The following CCN1 variants were observed in gnomAD, a reference collection of about 807,000 sequenced individuals.
CCN1 encodes the protein cellular communication network factor 1, also known as CCN family member 1.
CCN1 carries 12 observed loss-of-function variants against 38.1 expected under a neutral mutation model. The ratio of observed to expected loss-of-function variants is 0.31; its 90% confidence interval spans 0.20 to 0.51. The LOEUF (loss-of-function observed/expected upper bound fraction) is 0.51, where lower values mean the gene tolerates loss of function less well. Ranked by LOEUF, CCN1 falls within the 20% of genes least tolerant of loss-of-function variation. The pLI is 0.97. For synonymous variants in CCN1, 202 were observed against 196.1 expected (o/e 1.03, Z -0.25); for missense variants, 466 against 490.9 (o/e 0.95, Z 0.48).
At chr1:85,582,348 G>C in intron 3 of CCN1, 64 bp downstream of exon 3, 1 of 1,613,462 alleles carries the variant, frequency 6.2e-7, no homozygotes, top group South Asian at 1.1e-5. Flanking sequence ...AATCTTTGTA[G>C]AAATGAGTGC....
Position 85,583,425 on chromosome 1 carries a change from A to C in CCN1, c.*383A>C. ...ATAATAAGATTAGTTGGACAGTTTA[A>C]AGCTTTTATTCGTCCTTTGACAAAA... On this transcript the variant is annotated 3_prime_UTR_variant, in exon 5 of 5. Transcript: ENST00000451137. The C allele has an allele frequency of 5.0e-6, 1 of 201,734 alleles. No individual in the cohort carries two copies. Among genetic ancestry groups the C allele is most frequent in the Non-Finnish European group, 1.0e-5 (1 of 98,218 alleles). 12.5% of individuals were successfully genotyped at this position (201,734 alleles called of 1,614,324 possible).
Position 85,583,050 on chromosome 1 carries a change from C to G in CCN1, c.*8C>G. On this transcript the variant is annotated 3_prime_UTR_variant, in exon 5 of 5. Transcript: ENST00000451137. ...CACAAATTTAGGGACTAAATGCTACCTGGGTTTCCAGGGCACACCTAGACA... is the reference window on the plus strand; with the variant it reads ...CACAAATTTAGGGACTAAATGCTACGTGGGTTTCCAGGGCACACCTAGACA... The G allele has an allele frequency of 6.2e-7, 1 of 1,604,684 alleles. No homozygotes were observed. The highest frequency in any genetic ancestry group is 8.5e-7 in the Non-Finnish European group (1 of 1,172,512).
rs772364120 is a variant in CCN1 at position 85,582,917 on chromosome 1, G to A, written c.1021G>A (p.Glu341Lys). The stretch of plus-strand genomic sequence containing the variant: ...GATGCGGTTCCGCTGCGAAGATGGG[G>A]AGACATTTTCCAAGAACGTCATGAT... ...VKMRFRCEDG[E>K]TFSKNVMMIQ... The change falls in exon 5 of 5, where the codon GAG becomes AAG. Residue 341 changes from glutamate to lysine, a missense_variant. By Grantham distance (56) the Glu-to-Lys change is moderately conservative. Around this residue, in one of 3 missense-constraint regions of CCN1, gnomAD observed 309 missense variants for 319.9 expected, o/e 0.97. Transcript: ENST00000451137. The A allele has an allele frequency of 1.5e-5, 25 of 1,614,092 alleles. No individual in the cohort carries two copies. The South Asian group carries it at 2.6e-4, about 17-fold the overall frequency.
At position 85,583,898 on chromosome 1, in the gene CCN1, A is replaced by G. The variant is rs1659841350; in HGVS notation, c.*856A>G. ...TTGCATATAAAGTAATGTTTAAAAA[A>G]CATGTATTGAACACGACATTGTATG... On this transcript the variant is annotated 3_prime_UTR_variant, in exon 5 of 5. Transcript: ENST00000451137. The G allele has an allele frequency of 6.6e-6, 1 of 152,226 alleles. No individual in the cohort carries two copies. Among genetic ancestry groups the G allele is most frequent in the African/African-American group, 2.4e-5 (1 of 41,460 alleles). 9.4% of individuals were successfully genotyped at this position (152,226 alleles called of 1,614,324 possible).
Position 85,583,355 on chromosome 1 carries a change from T to TTC in CCN1, c.*317_*318dup, listed in dbSNP as rs762383191. On this transcript the variant is annotated 3_prime_UTR_variant, in exon 5 of 5. Coordinates refer to ENST00000451137, the MANE Select transcript of CCN1 (RefSeq NM_001554.5). Reference sequence around the variant, plus strand: ...TTGTAAATTATTTGCTAAGCATATTTTCTCTAGGCTTTTTTCCTTTTGGGG... The same window carrying TTC: ...TTGTAAATTATTTGCTAAGCATATTTTCTCTCTAGGCTTTTTTCCTTTTGGGG... 1 of 340,082 alleles carries TTC rather than the reference T, an allele frequency of 2.9e-6. No individual in the cohort carries two copies. Among genetic ancestry groups the TTC allele is most frequent in the Non-Finnish European group, 5.4e-6 (1 of 186,584 alleles). The allele number at this position is 340,082 out of a possible 1,614,324, so 21.1% of individuals were successfully genotyped here. A position where few individuals can be genotyped will look rare whatever the true frequency, so the allele number is the denominator to read the frequency against.
In CCN1 at chr1:85,582,184, C is replaced by T. The variant is rs1184329286; in HGVS notation, c.534C>T (p.Leu178=). The T allele has an allele frequency of 2.5e-6, 4 of 1,614,090 alleles. No individual in the cohort carries two copies. Among genetic ancestry groups the T allele is most frequent in the Non-Finnish European group, 2.5e-6 (3 of 1,180,030 alleles). Residue 178 remains leucine (L), a synonymous_variant, in exon 3 of 5, where the codon CTC becomes CTT. Transcript: ENST00000451137. Reference sequence around the variant, plus strand: ...ACCCCATGGAGGACCAGGACGGCCTCCTTGGCAAGGAGCTGGGATTCGATG... The same window carrying T: ...ACCCCATGGAGGACCAGGACGGCCTTCTTGGCAAGGAGCTGGGATTCGATG... ...IKDPMEDQDG[L]LGKELGFDAS...
At chr1:85,581,081 C>A in intron 1 of CCN1, 34 bp downstream of exon 1, 1 of 1,586,534 alleles carries the variant, frequency 6.3e-7, no homozygotes, top group Non-Finnish European at 8.6e-7. Flanking sequence ...ACCTATTCCC[C>A]GTCCGCTCTC....
chr1:85,582,364 C>T, intron 3 of CCN1, 52 bp from the exon 4 acceptor site: 2 of 1,612,948 alleles, frequency 1.2e-6, no homozygotes, highest in East Asian at 2.2e-5. Flanking sequence ...AGTGCTTGAG[C>T]CTGTTTGTGT....
At chr1:85,581,750 C>T in intron 2 of CCN1, 172 bp downstream of exon 2, 1 of 1,100,484 alleles carries the variant, frequency 9.1e-7, no homozygotes, top group Non-Finnish European at 1.3e-6. Flanking sequence ...CCAACGAAAG[C>T]GCATACGGAA....
rs369974800 is a variant in CCN1, at chr1:85,582,644, T to G, written c.843+20T>G. 135 of 1,613,866 alleles carry G rather than the reference T, an allele frequency of 8.4e-5. No homozygotes were observed. Among genetic ancestry groups the G allele is most frequent in the Non-Finnish European group, 1.1e-4 (130 of 1,179,858 alleles). On this transcript the variant is annotated intron_variant, in intron 4 of 4. Coordinates refer to ENST00000451137, the MANE Select transcript of CCN1 (RefSeq NM_001554.5). ...CTGAAAGTAAGTTCCTTCAGGGACGTGTAGACTGTTGCCTGGCAGGTGGGT... is the reference window on the plus strand; with the variant it reads ...CTGAAAGTAAGTTCCTTCAGGGACGGGTAGACTGTTGCCTGGCAGGTGGGT...
rs774059615 is a variant in CCN1 at position 85,582,434 on chromosome 1, G to A, written c.653G>A (p.Arg218His). 4 of 1,613,904 alleles carry A rather than the reference G, an allele frequency of 2.5e-6. No homozygotes were observed. The highest frequency in any genetic ancestry group is 2.7e-5 in the African/African-American group (2 of 74,874). Residue 218 changes from arginine (R) to histidine (H), a missense_variant, in exon 4 of 5, where the codon CGC becomes CAC. Arg to His is a conservative substitution (Grantham distance 29). Transcript: ENST00000451137. ...TCTCTAGTTTTTGGAATGGAGCCTC[G>A]CATCCTATACAACCCTTTACAAGGC... ...KRLPVFGMEP[R>H]ILYNPLQGQK...
In CCN1 at chr1:85,583,313, G is replaced by A. The variant is rs373303028; in HGVS notation, c.*271G>A. 9 of 437,166 alleles carry A rather than the reference G, an allele frequency of 2.1e-5. No homozygotes were observed. Among genetic ancestry groups the A allele is most frequent in the East Asian group, 1.1e-4 (3 of 27,948 alleles). 27.1% of individuals were successfully genotyped at this position (437,166 alleles called of 1,614,324 possible). ...TCATTTTGGAGCTTGTGGAGTTGAT[G>A]ACTTTCTGTTTTCTGTTTGTAAATT... is the stretch of plus-strand genomic sequence containing the variant. On this transcript the variant is annotated 3_prime_UTR_variant, in exon 5 of 5. Coordinates refer to ENST00000451137, the MANE Select transcript of CCN1 (RefSeq NM_001554.5).
Position 85,582,072 on chromosome 1 carries a change from C to T in CCN1, c.422C>T (p.Pro141Leu). Residue 141 changes from proline (P) to leucine (L), a missense_variant, in exon 3 of 5, where the codon CCC becomes CTC. Pro to Leu is a moderately conservative substitution (Grantham distance 98). Transcript: ENST00000451137. Reference protein sequence around the residue: ...IPLCPQELSLPNLGCPNPRLV... With the variant: ...IPLCPQELSLLNLGCPNPRLV... ...CTGTGTCCCCAAGAACTATCTCTCCCCAACTTGGGCTGTCCCAACCCTCGG... is the reference window on the plus strand; with the variant it reads ...CTGTGTCCCCAAGAACTATCTCTCCTCAACTTGGGCTGTCCCAACCCTCGG... 1.2e-6 allele frequency: 2 copies of T among 1,614,164 alleles called. No individual in the cohort carries two copies. The highest frequency in any genetic ancestry group is 2.2e-5 in the South Asian group (2 of 91,084).
Position 85,580,978 on chromosome 1 carries a change from C to T in CCN1, c.-7C>T, listed in dbSNP as rs373802176. On this transcript the variant is annotated 5_prime_UTR_variant, in exon 1 of 5. Coordinates refer to ENST00000451137, the MANE Select transcript of CCN1 (RefSeq NM_001554.5). Reference sequence around the variant, plus strand: ...GCGCTCGCCCCGGGCTACTCCTGCGCGCCACAATGAGCTCCCGCATCGCCA... The same window carrying T: ...GCGCTCGCCCCGGGCTACTCCTGCGTGCCACAATGAGCTCCCGCATCGCCA... 2 of 1,600,200 alleles carry T rather than the reference C, an allele frequency of 1.2e-6. No individual in the cohort carries two copies. The highest frequency in any genetic ancestry group is 2.7e-5 in the African/African-American group (2 of 73,788).
chr1:85,583,902 GTATTGAACACGACAT>G lies in CCN1; in HGVS notation c.*862_*876del, dbSNP rs1453585044. On this transcript the variant is annotated 3_prime_UTR_variant, in exon 5 of 5. Coordinates refer to ENST00000451137, the MANE Select transcript of CCN1 (RefSeq NM_001554.5). ...ATATAAAGTAATGTTTAAAAAACAT[GTATTGAACACGACAT>G]TGTATGAAGCACAATAAAGATTCTG... 1 of 152,160 alleles carries G rather than the reference GTATTGAACACGACAT, an allele frequency of 6.6e-6. No homozygotes were observed. The highest frequency in any genetic ancestry group is 1.5e-5 in the Non-Finnish European group (1 of 68,024). 9.4% of individuals were successfully genotyped at this position (152,160 alleles called of 1,614,324 possible).
rs1029148784 is a variant in CCN1 at position 85,580,866 on chromosome 1, T to TGCCCACCGG, written c.-110_-102dup. The TGCCCACCGG allele has an allele frequency of 3.1e-6, 3 of 960,424 alleles. No homozygotes were observed. The highest frequency in any genetic ancestry group is 2.9e-5 in the South Asian group (1 of 33,952). The allele number at this position is 960,424 out of a possible 1,614,324, so 59.5% of individuals were successfully genotyped here. ...GCCCGCCGCCCAGCCCTCGCCTCCC[T>TGCCCACCGG]GCCCACCGGGCCCACCGCGCCGCCA... On this transcript the variant is annotated 5_prime_UTR_variant, in exon 1 of 5. Transcript: ENST00000451137.
chr1:85,580,856 C>T lies in CCN1; in HGVS notation c.-129C>T. ...AAAGACGCCCGCCCGCCGCCCAGCC[C>T]TCGCCTCCCTGCCCACCGGGCCCAC... On this transcript the variant is annotated 5_prime_UTR_variant, in exon 1 of 5. Transcript: ENST00000451137. 1.2e-6 allele frequency: 1 copy of T among 847,878 alleles called. No homozygotes were observed. The highest frequency in any genetic ancestry group is 1.6e-6 in the Non-Finnish European group (1 of 621,316). 52.5% of individuals were successfully genotyped at this position (847,878 alleles called of 1,614,324 possible). A position where few individuals can be genotyped will look rare whatever the true frequency, so the allele number is the denominator to read the frequency against.
At chr1:85,581,757 GGA>G in intron 2 of CCN1, 169 bp from the exon 3 acceptor site, 1 of 1,094,230 alleles carries the variant, frequency 9.1e-7, no homozygotes, top group Non-Finnish European at 1.4e-6. Flanking sequence ...AAGCGCATAC[GGA>G]AAAGTGATTC....
chr1:85,582,684 T>C, intron 4 of CCN1, 56 bp from the exon 5 acceptor site: 7 of 1,612,278 alleles, frequency 4.3e-6, no homozygotes, highest in Non-Finnish European at 5.9e-6. Flanking sequence ...TGTGAACATC[T>C]TTTTGAAGAA....
Sources: allele counts gnomAD v4.1 joint callset, GRCh38; gene constraint gnomAD v4.1.1; regional missense constraint gnomAD v4.1.1; transcripts MANE v1.5; gene names NCBI Gene and HGNC (gene_info 2026-07-23, HGNC 2026-07-21).